Variants in GPR173 observed in about 807,000 individuals in gnomAD.
GPR173 encodes probable G protein-coupled receptor 173.
Under a neutral mutation model 13.9 loss-of-function variants are expected in GPR173, and 2 were observed. The observed-to-expected ratio is 0.14, with a 90% CI of 0.06 to 0.45. The LOEUF is 0.45. GPR173 is among the 20% of genes least tolerant of loss of function. The pLI is 0.98. For missense variants in GPR173, 202 were observed against 340.5 expected, an observed-to-expected ratio of 0.59 and a Z score of 3.20; for synonymous variants, 131 against 141.0, an observed-to-expected ratio of 0.93 and a Z score of 0.50.
rs781815065 is a variant in GPR173, at chrX:53,073,627, T to A, written c.-97-2898T>A. Among the ~76,000 whole-genome samples the A allele has an allele frequency of 9.4e-5, 10 of 106,315 alleles. No homozygotes were observed. The Middle Eastern group carries it at 0.019, about 204-fold the overall frequency. 92.3% of individuals were successfully genotyped at this position (106,315 alleles called of 115,157 possible). On this transcript the variant is annotated intron_variant, in intron 1 of 1. Transcript: ENST00000332582. ...TCCCTCAATCAATTCATTTGATATA[T>A]TGTCACTGAGAGCCTACCATGATGT... is the stretch of plus-strand genomic sequence containing the variant.
chrX:53,076,474 A>C (rs1932433143), intron 1 of GPR173, 51 bp from the exon 2 acceptor site: 1 of 422,889 alleles, frequency 2.4e-6, no homozygotes, highest in African/African-American at 2.6e-5. Flanking sequence ...TCTTGCCCTC[A>C]TCTCTCTGTC....
intron 1 of GPR173, among the ~76,000 whole-genome samples, chrX:53,069,509 G>A (rs1308076056): frequency 1.8e-5 from 2 of 111,983 alleles, no homozygotes; most frequent in Admixed American, 1.9e-4. Flanking sequence ...AGCTCTGCTC[G>A]TTTGTCCACT....
chrX:53,073,877 T>TTA (rs1411552820), intron 1 of GPR173, among the ~76,000 whole-genome samples: 1 of 14,424 alleles, frequency 6.9e-5, no homozygotes, highest in East Asian at 1.8e-3. Flanking sequence ...TTATATATAA[T>TTA]TATATATATA....
intron 1 of GPR173, among the ~76,000 whole-genome samples, chrX:53,066,158 G>A (rs782746398): frequency 2.8e-4 from 31 of 111,493 alleles, no homozygotes; most frequent in Non-Finnish European, 5.1e-4. Context: ...TTTTCATTTT[G>A]TGTATCTTAA....
intron 1 of GPR173, among the ~76,000 whole-genome samples, chrX:53,063,217 C>G (rs1556803972): frequency 9.0e-6 from 1 of 110,508 alleles, no homozygotes; most frequent in Admixed American, 9.7e-5. Context: ...TGTGTGCCTA[C>G]AGAATTAGCA....
At chrX:53,052,767 G>T (rs1313808097) in intron 1 of GPR173, among the ~76,000 whole-genome samples, 1 of 111,432 alleles carries the variant, frequency 9.0e-6, no homozygotes, top group East Asian at 2.8e-4. Context: ...TTGTTCTGGA[G>T]CATATGTTGT....
rs41308618 is a variant in GPR173 at position 53,079,026 on chromosome X, A to T, written c.*1283A>T. On this transcript the variant is annotated 3_prime_UTR_variant, in exon 2 of 2. Transcript: ENST00000332582. ...CCAAAGTGGAGCACACTGCAGTCAGATTCTCCAGGAGGGAGATCCAAGCCT... is the reference window on the plus strand; with the variant it reads ...CCAAAGTGGAGCACACTGCAGTCAGTTTCTCCAGGAGGGAGATCCAAGCCT... 7.4e-5 allele frequency: 9 copies of T among 122,106 alleles called. No individual in the cohort carries two copies. Among genetic ancestry groups the T allele is most frequent in the Non-Finnish European group, 1.1e-4 (6 of 52,937 alleles). The allele number at this position is 122,106 out of a possible 1,213,427, so 10.1% of individuals were successfully genotyped here. A position where few individuals can be genotyped will look rare whatever the true frequency, so the allele number is the denominator to read the frequency against.
At chrX:53,062,572 CTTTTTTT>C (rs1165015535) in intron 1 of GPR173, among the ~76,000 whole-genome samples, 2 of 41,012 alleles carry the variant, frequency 4.9e-5, no homozygotes, top group Non-Finnish European at 8.1e-5. Context: ...TTGTCTTCTT[CTTTTTTT>C]TTTTTTTTTT....
rs1931922607 is a variant in GPR173, at chrX:53,049,447, A to G, written c.-135A>G. 8.9e-6 allele frequency: 1 copy of G among 111,906 alleles called. No individual in the cohort carries two copies. Among genetic ancestry groups the G allele is most frequent in the African/African-American group, 3.3e-5 (1 of 30,726 alleles). The allele number at this position is 111,906 out of a possible 1,213,427, so 9.2% of individuals were successfully genotyped here. On this transcript the variant is annotated 5_prime_UTR_variant, in exon 1 of 2. Transcript: ENST00000332582. ...ACCTGGGTGAGACAGCTTGAGCCCC[A>G]TCGTGGATTCCAAGACATCCCTGCT...
At chrX:53,063,704 A>G (rs1042895963) in intron 1 of GPR173, among the ~76,000 whole-genome samples, 3 of 111,942 alleles carry the variant, frequency 2.7e-5, no homozygotes, top group Non-Finnish European at 5.6e-5. Context: ...TTTCTGCTAT[A>G]TATGCTAGTT....
At chrX:53,064,586 A>G (rs2146677925) in intron 1 of GPR173, among the ~76,000 whole-genome samples, 1 of 110,404 alleles carries the variant, frequency 9.1e-6, no homozygotes, top group East Asian at 2.8e-4. Flanking sequence ...AAAAAAAGGA[A>G]CAGAGATTTT....
rs1186001568 is a variant in GPR173 at position 53,078,930 on chromosome X, G to T, written c.*1187G>T. Reference sequence around the variant, plus strand: ...TCCTTAGTAGCCCTTGGCTGACTGGGCCCTGAGCCCCAAGCATCCTTCTTT... The same window carrying T: ...TCCTTAGTAGCCCTTGGCTGACTGGTCCCTGAGCCCCAAGCATCCTTCTTT... On this transcript the variant is annotated 3_prime_UTR_variant, in exon 2 of 2. Coordinates refer to ENST00000332582, the MANE Select transcript of GPR173 (RefSeq NM_018969.6). The T allele has an allele frequency of 1.6e-5, 2 of 122,601 alleles. No individual in the cohort carries two copies. The highest frequency in any genetic ancestry group is 3.8e-5 in the Non-Finnish European group (2 of 53,067). 10.1% of individuals were successfully genotyped at this position (122,601 alleles called of 1,213,427 possible). A position where few individuals can be genotyped will look rare whatever the true frequency, so the allele number is the denominator to read the frequency against.
intron 1 of GPR173, among the ~76,000 whole-genome samples, chrX:53,056,768 T>C (rs1451702914): frequency 1.8e-5 from 2 of 111,213 alleles, no homozygotes; most frequent in South Asian, 3.8e-4. Flanking sequence ...TCCCGGGGCA[T>C]ATATATCTCT....
chrX:53,073,885 A>ATATATATT (rs1932310435), intron 1 of GPR173, among the ~76,000 whole-genome samples: 1 of 40,781 alleles, frequency 2.5e-5, no homozygotes, highest in African/African-American at 9.1e-5. Context: ...AATTATATAT[A>ATATATATT]TATTTATATT....
intron 1 of GPR173, among the ~76,000 whole-genome samples, chrX:53,074,144 A>G (rs1932351681): frequency 1.0e-5 from 1 of 96,539 alleles, no homozygotes; most frequent in Non-Finnish European, 1.9e-5. Context: ...ATACATGTAT[A>G]TTTATTCATA....
intron 1 of GPR173, among the ~76,000 whole-genome samples, chrX:53,050,604 G>T (rs190144891): frequency 3.6e-5 from 4 of 112,286 alleles, no homozygotes; most frequent in Non-Finnish European, 7.5e-5. Context: ...ATGAGTTGGT[G>T]CATGTAAGTA....
intron 1 of GPR173, among the ~76,000 whole-genome samples, chrX:53,076,071 G>C (rs1312912606): frequency 9.0e-6 from 1 of 111,474 alleles, no homozygotes; most frequent in African/African-American, 3.3e-5. Context: ...GGAGGAAACA[G>C]GTAACCAAAG....
chrX:53,068,234 T>G (rs998203720), intron 1 of GPR173, among the ~76,000 whole-genome samples: 1 of 111,526 alleles, frequency 9.0e-6, no homozygotes, highest in African/African-American at 3.3e-5. Context: ...TGAGATTCAT[T>G]ACAGTATTCT....
rs782701038 is a variant in GPR173, at chrX:53,069,272, T to TAAA, written c.-97-7240_-97-7238dup. 5.6e-3 allele frequency among the ~76,000 whole-genome samples: 512 copies of TAAA among 91,626 alleles called. 8 individuals carry two copies. The East Asian group carries it at 0.058, about 10-fold the overall frequency. The allele number at this position is 91,626 out of a possible 115,157, so 79.6% of individuals were successfully genotyped here. A position where few individuals can be genotyped will look rare whatever the true frequency, so the allele number is the denominator to read the frequency against. On this transcript the variant is annotated intron_variant, in intron 1 of 1. Coordinates refer to ENST00000332582, the MANE Select transcript of GPR173 (RefSeq NM_018969.6). The stretch of plus-strand genomic sequence containing the variant: ...ACCGTGCCCAGCCGACCTTTTCTCT[T>TAAA]AAAAAAAAAAAAAAACAGAAAAGAA...
Sources: allele counts gnomAD v4.1 joint callset (sites outside exome capture counted in the v4.1 genomes callset), GRCh38; gene constraint gnomAD v4.1.1; transcripts MANE v1.5; gene names NCBI Gene and HGNC (gene_info 2026-07-23, HGNC 2026-07-21).